FANCA: variants seen among roughly 807,000 people sequenced by gnomAD.
The protein encoded by FANCA is FA complementation group A, also known as Fanconi anemia group A protein.
Under a neutral mutation model 194.3 loss-of-function variants are expected in FANCA, and 236 were observed. The observed-to-expected ratio is 1.21, with a 90% CI of 1.09 to 1.35. The LOEUF (loss-of-function observed/expected upper bound fraction) is 1.35, where lower values mean the gene tolerates loss of function less well. FANCA is among the 40% of genes most tolerant of loss of function. The pLI, the probability that FANCA is intolerant of heterozygous loss-of-function variation, is 0.00. For synonymous variants in FANCA, 1,014 were observed against 715.8 expected (o/e 1.42, Z -6.65); for missense variants, 2,628 against 1,813.9 (o/e 1.45, Z -8.15).
At chr16:89,809,006 C>T (rs951152995) in intron 5 of FANCA, among the ~76,000 whole-genome samples, 2 of 151,848 alleles carry the variant, frequency 1.3e-5, no homozygotes, top group East Asian at 1.9e-4. Context: ...CCCGGGTTCA[C>T]GCCATTCTCC....
chr16:89,790,208 C>A (rs866737054), intron 14 of FANCA, among the ~76,000 whole-genome samples: 9 of 151,670 alleles, frequency 5.9e-5, no homozygotes, highest in African/African-American at 2.2e-4. Flanking sequence ...TTGAGACCAG[C>A]CTGACCAACA....
rs778009295 is a variant in FANCA at position 89,769,897 on chromosome 16, G to C, written c.2444C>G (p.Pro815Arg). Reference sequence around the variant, plus strand: ...GGTCAGGAGGCTGTCAAAGAGCGCAGGGACAGGAAGGCCAGCACCAGGTGC... The same window carrying C: ...GGTCAGGAGGCTGTCAAAGAGCGCACGGACAGGAAGGCCAGCACCAGGTGC... ...PPAPGAGLPV[P>R]ALFDSLLTCR... Residue 815 changes from proline (P) to arginine (R), a missense_variant, in exon 26 of 43, where the codon CCT becomes CGT. By Grantham distance (103) the Pro-to-Arg change is moderately radical (BLOSUM62 -2). Transcript: ENST00000389301. The C allele has an allele frequency of 1.9e-6, 3 of 1,614,108 alleles. No homozygotes were observed. Among genetic ancestry groups the C allele is most frequent in the Non-Finnish European group, 2.5e-6 (3 of 1,180,016 alleles).
In FANCA at chr16:89,739,416, G is replaced by A. The variant is rs955687843; in HGVS notation, c.4010+62C>T. ...CCTTCCCATCTGGCGGGACCCAGAG[G>A]TGCTGAGATGGGGGTCTGGGAAACA... is the stretch of plus-strand genomic sequence containing the variant. On this transcript the variant is annotated intron_variant, in intron 40 of 42. Transcript: ENST00000389301. The A allele has an allele frequency of 6.4e-6, 10 of 1,554,974 alleles. No individual in the cohort carries two copies. In the African/African-American group the frequency reaches 1.4e-4, roughly 21 times the overall value.
At chr16:89,762,821 G>A (rs552240998) in intron 28 of FANCA, 2 of 438,588 alleles carry the variant, frequency 4.6e-6, no homozygotes, top group Admixed American at 2.4e-5. Context: ...ATTTTTAGGA[G>A]GCCGAGCACG....
chr16:89,778,447 C>G (rs540270790), intron 20 of FANCA: 15 of 289,340 alleles, frequency 5.2e-5, no homozygotes, highest in South Asian at 4.3e-4. Flanking sequence ...GCCTGGGCAA[C>G]AGAGCGAGAC....
rs2062018428 is a variant in FANCA at position 89,738,310 on chromosome 16, C to T, written c.*291G>A. The T allele has an allele frequency of 6.6e-7, 1 of 1,525,394 alleles. No individual in the cohort carries two copies. Among genetic ancestry groups the T allele is most frequent in the Middle Eastern group, 2.1e-4 (1 of 4,746 alleles). 94.5% of individuals were successfully genotyped at this position (1,525,394 alleles called of 1,614,324 possible). A position where few individuals can be genotyped will look rare whatever the true frequency, so the allele number is the denominator to read the frequency against. ...TCCGCAGTGGCTGTGTCAGCCTCAC[C>T]CTTCGTGTGCACCCGCATGGGAGGG... On this transcript the variant is annotated 3_prime_UTR_variant, in exon 43 of 43. Coordinates refer to ENST00000389301, the MANE Select transcript of FANCA (RefSeq NM_000135.4).
At chr16:89,762,873 C>A in intron 28 of FANCA, 1 of 348,886 alleles carries the variant, frequency 2.9e-6, no homozygotes, top group South Asian at 2.0e-5. Context: ...GAGGCCGAGG[C>A]AGGCAGATCA....
chr16:89,782,036 AC>A (rs2039730456), intron 17 of FANCA, among the ~76,000 whole-genome samples: 1 of 151,828 alleles, frequency 6.6e-6, no homozygotes, highest in South Asian at 2.1e-4. Context: ...TTCATTAGTG[AC>A]CCACACATAT....
At chr16:89,778,688 A>T (rs2039599316) in intron 20 of FANCA, 113 bp downstream of exon 20, 1 of 889,144 alleles carries the variant, frequency 1.1e-6, no homozygotes. Context: ...CCAATATTTT[A>T]CCAATAAAAC....
At chr16:89,810,587 T>C (rs563442062) in intron 5 of FANCA, 120 bp downstream of exon 5, 1 of 777,808 alleles carries the variant, frequency 1.3e-6, no homozygotes, top group South Asian at 1.4e-5. Flanking sequence ...ATCCACTCTC[T>C]GTAATTAATG....
chr16:89,750,918 G>C (rs772541200), intron 31 of FANCA, among the ~76,000 whole-genome samples: 3 of 152,128 alleles, frequency 2.0e-5, no homozygotes, highest in Non-Finnish European at 2.9e-5. Context: ...TGTTAGGACA[G>C]TCTCAGTCCG....
chr16:89,764,763 G>A lies in FANCA; in HGVS notation c.2778+127C>T, dbSNP rs751265010. On this transcript the variant is annotated intron_variant, in intron 28 of 42. Transcript: ENST00000389301. ...AGACAGTCGGCACACACACACCCTA[G>A]ACTCGGGACGTGGCATGATGCAGGG... The A allele has an allele frequency of 4.4e-6, 5 of 1,146,368 alleles. No individual in the cohort carries two copies. The South Asian group carries it at 6.2e-5, about 14-fold the overall frequency. The allele number at this position is 1,146,368 out of a possible 1,614,324, so 71.0% of individuals were successfully genotyped here.
At chr16:89,752,018 C>G (rs376103374) in intron 31 of FANCA, 120 bp downstream of exon 31, 1 of 839,408 alleles carries the variant, frequency 1.2e-6, no homozygotes. Flanking sequence ...GATCCGCCTG[C>G]CTCGGCCTCC....
intron 11 of FANCA, among the ~76,000 whole-genome samples, chr16:89,792,882 GGAA>G (rs1268465599): frequency 6.6e-6 from 1 of 152,122 alleles, no homozygotes; most frequent in East Asian, 1.9e-4. Flanking sequence ...TTCCCTGCCT[GGAA>G]GCCGAGGCAG....
At chr16:89,790,467 A>G (rs2143517260) in intron 14 of FANCA, among the ~76,000 whole-genome samples, 1 of 152,024 alleles carries the variant, frequency 6.6e-6, no homozygotes, top group East Asian at 1.9e-4. Context: ...GCGCTGGCTC[A>G]TGCCTGTAAT....
intron 10 of FANCA, 73 bp from the exon 11 acceptor site, chr16:89,796,091 A>C: frequency 1.7e-6 from 2 of 1,153,070 alleles, no homozygotes; most frequent in Non-Finnish European, 2.6e-6. Context: ...CCCAGCACAA[A>C]CTGTGGCTCA....
intron 14 of FANCA, among the ~76,000 whole-genome samples, chr16:89,785,858 G>GTTTT (rs1469531630): frequency 7.2e-6 from 1 of 138,040 alleles, no homozygotes; most frequent in South Asian, 2.3e-4. Flanking sequence ...ATTGTGTTTT[G>GTTTT]TTTTTTTTTT....
chr16:89,778,746 G>A (rs1028158441), intron 20 of FANCA, 55 bp downstream of exon 20: 98 of 1,515,720 alleles, frequency 6.5e-5, no homozygotes, highest in African/African-American at 1.1e-4. Context: ...ACAATTCTTC[G>A]CATTGTCAGA....
chr16:89,776,234 C>G (rs1409770639), intron 20 of FANCA, among the ~76,000 whole-genome samples: 1 of 129,588 alleles, frequency 7.7e-6, no homozygotes, highest in Admixed American at 9.3e-5. Flanking sequence ...GTGGTGCGAT[C>G]TCGGCTCACT....
Sources: gnomAD v4.1 joint callset for allele counts (sites outside exome capture counted in the v4.1 genomes callset) on GRCh38, gnomAD v4.1.1 for gene constraint, MANE v1.5 for transcripts, NCBI Gene and HGNC (gene_info 2026-07-23, HGNC 2026-07-21) for gene names.